The following ATG10 variants were observed in gnomAD, a reference collection of about 807,000 sequenced individuals.
ATG10 encodes the protein autophagy related 10, also known as ubiquitin-like-conjugating enzyme ATG10.
ATG10 carries 30 observed loss-of-function variants against 32.1 expected under a neutral mutation model. The observed-to-expected ratio is 0.94, with a 90% confidence interval of 0.70 to 1.27. The LOEUF (loss-of-function observed/expected upper bound fraction) is 1.27. Ranked by LOEUF, ATG10 falls within the 50% of genes most tolerant of loss-of-function variation. The pLI, the probability that ATG10 is intolerant of heterozygous loss-of-function variation, is 0.00. For synonymous variants in ATG10, 87 were observed against 91.5 expected, an observed-to-expected ratio of 0.95 and a Z score of 0.28; for missense variants, 233 against 262.3, an observed-to-expected ratio of 0.89 and a Z score of 0.77.
intron 5 of ATG10, among the ~76,000 whole-genome samples, chr5:82,220,525 G>A (rs1319705987): frequency 6.6e-6 from 1 of 152,026 alleles, no homozygotes; most frequent in Non-Finnish European, 1.5e-5. Context: ...GCCTCCCAAA[G>A]TGCTGGGATT....
At chr5:82,065,606 A>G (rs769425163) in intron 3 of ATG10, among the ~76,000 whole-genome samples, 22 of 152,096 alleles carry the variant, frequency 1.4e-4, no homozygotes, top group Admixed American at 2.6e-4. Context: ...TGATACTACC[A>G]TATCACTTTA....
chr5:82,164,371 T>A, intron 3 of ATG10, 28 bp from the exon 4 acceptor site: 1 of 1,609,804 alleles, frequency 6.2e-7, no homozygotes, highest in Non-Finnish European at 8.5e-7. Context: ...AAGAAACCCG[T>A]TTTCGTTTTG....
chr5:82,026,079 C>A (rs970428008), intron 2 of ATG10, among the ~76,000 whole-genome samples: 1 of 152,304 alleles, frequency 6.6e-6, no homozygotes, highest in Middle Eastern at 3.4e-3. Flanking sequence ...TCAGCACCAT[C>A]CTTTTCCAGA....
At chr5:82,169,007 A>T (rs777589954) in intron 4 of ATG10, among the ~76,000 whole-genome samples, 3 of 152,132 alleles carry the variant, frequency 2.0e-5, no homozygotes, top group Non-Finnish European at 2.9e-5. Flanking sequence ...TAGGAAAAGC[A>T]CTGTAGAAGG....
At chr5:82,088,320 C>T (rs1764760891) in intron 3 of ATG10, among the ~76,000 whole-genome samples, 1 of 152,090 alleles carries the variant, frequency 6.6e-6, no homozygotes. Flanking sequence ...ATCAGTAAGA[C>T]TCTTCACAGA....
chr5:82,209,686 G>A (rs1165802963), intron 5 of ATG10, among the ~76,000 whole-genome samples: 3 of 152,068 alleles, frequency 2.0e-5, no homozygotes, highest in Admixed American at 6.6e-5. Flanking sequence ...GTATCCTCCC[G>A]AGATTCATGG....
At chr5:82,075,562 A>G (rs1039181740) in intron 3 of ATG10, among the ~76,000 whole-genome samples, 4 of 152,216 alleles carry the variant, frequency 2.6e-5, no homozygotes, top group East Asian at 1.9e-4. Flanking sequence ...ATGTTATTGC[A>G]TAGTTCATCA....
At chr5:82,007,244 C>T (rs1395363526) in intron 2 of ATG10, among the ~76,000 whole-genome samples, 1 of 152,150 alleles carries the variant, frequency 6.6e-6, no homozygotes, top group Non-Finnish European at 1.5e-5. Flanking sequence ...GAGTGAATTT[C>T]TATTAGATGA....
intron 2 of ATG10, among the ~76,000 whole-genome samples, chr5:82,036,618 A>G (rs1021494043): frequency 6.6e-6 from 1 of 152,104 alleles, no homozygotes; most frequent in Non-Finnish European, 1.5e-5. Context: ...TTTTTTACAA[A>G]TGCACTTTAG....
At position 82,136,581 on chromosome 5, in the gene ATG10, C is replaced by T. The variant is rs1408413438; in HGVS notation, c.217-27818C>T. On this transcript the variant is annotated intron_variant, in intron 3 of 7. Transcript: ENST00000282185. ...TACTCTCTTCTGGCTTGTAGGGTTT[C>T]TGCAGAGAGATCCACTGTTAGTCTG... Among the ~76,000 whole-genome samples, 3 of 152,192 alleles carry T rather than the reference C, an allele frequency of 2.0e-5. No homozygotes were observed. The East Asian group carries it at 5.8e-4, about 29-fold the overall frequency.
At chr5:82,181,824 T>G (rs1331942908) in intron 5 of ATG10, among the ~76,000 whole-genome samples, 1 of 152,184 alleles carries the variant, frequency 6.6e-6, no homozygotes, top group Non-Finnish European at 1.5e-5. Context: ...GCATTTGTCT[T>G]GATGATAAGG....
chr5:82,075,914 G>A (rs577867717), intron 3 of ATG10, among the ~76,000 whole-genome samples: 3 of 152,076 alleles, frequency 2.0e-5, no homozygotes, highest in African/African-American at 4.8e-5. Context: ...CAGCCTGGAC[G>A]ACAGAGCAAG....
chr5:82,008,294 A>AT (rs1365316406), intron 2 of ATG10, among the ~76,000 whole-genome samples: 2 of 151,700 alleles, frequency 1.3e-5, no homozygotes, highest in Non-Finnish European at 2.9e-5. Context: ...GCTAGAGTAG[A>AT]TTTTTTTTTC....
chr5:82,186,471 G>GTC (rs1355747147), intron 5 of ATG10, among the ~76,000 whole-genome samples: 2 of 151,918 alleles, frequency 1.3e-5, no homozygotes, highest in Admixed American at 1.3e-4. Context: ...AGTTCTGTTT[G>GTC]TCTCTGTCTC....
intron 2 of ATG10, among the ~76,000 whole-genome samples, chr5:82,029,806 T>C (rs376105265): frequency 2.0e-5 from 3 of 152,318 alleles, no homozygotes; most frequent in South Asian, 4.1e-4. Flanking sequence ...AACCTATTTT[T>C]TGTGAAAAAA....
chr5:82,033,626 A>G (rs1762805362), intron 2 of ATG10, among the ~76,000 whole-genome samples: 1 of 151,456 alleles, frequency 6.6e-6, no homozygotes, highest in Admixed American at 6.6e-5. Context: ...TCTTCCAACA[A>G]CTAGACATTG....
At chr5:82,000,721 A>G (rs1044629816) in intron 2 of ATG10, among the ~76,000 whole-genome samples, 4 of 152,160 alleles carry the variant, frequency 2.6e-5, no homozygotes, top group African/African-American at 9.7e-5. Context: ...CAGTGGCACA[A>G]TCTCGGCTCA....
intron 5 of ATG10, among the ~76,000 whole-genome samples, chr5:82,217,414 T>C (rs1037311976): frequency 1.3e-5 from 2 of 152,168 alleles, no homozygotes; most frequent in Non-Finnish European, 2.9e-5. Context: ...TACATAGTAA[T>C]ATTACATTTA....
At chr5:82,124,973 A>G (rs1344626658) in intron 3 of ATG10, among the ~76,000 whole-genome samples, 1 of 152,176 alleles carries the variant, frequency 6.6e-6, no homozygotes, top group Non-Finnish European at 1.5e-5. Context: ...CTTTTTAATG[A>G]ACACCATTCT....
Sources: gnomAD v4.1 joint callset for allele counts (sites outside exome capture counted in the v4.1 genomes callset) on GRCh38, gnomAD v4.1.1 for gene constraint, MANE v1.5 for transcripts, NCBI Gene and HGNC (gene_info 2026-07-23, HGNC 2026-07-21) for gene names.